The following JCAD variants were observed in gnomAD, a reference collection of about 807,000 sequenced individuals.
The protein encoded by JCAD is junctional cadherin 5 associated.
JCAD carries 40 observed loss-of-function variants against 98.0 expected under a neutral mutation model. The observed-to-expected ratio is 0.41, with a 90% CI of 0.32 to 0.53. The LOEUF (loss-of-function observed/expected upper bound fraction) is 0.53, where lower values mean the gene tolerates loss of function less well. Among genes scored for constraint, JCAD ranks in the 20% least tolerant of loss-of-function variants. The pLI is 0.31. For missense variants in JCAD, 1,705 were observed against 1,738.1 expected, an observed-to-expected ratio of 0.98 and a Z score of 0.34; for synonymous variants, 691 against 682.3, an observed-to-expected ratio of 1.01 and a Z score of -0.20.
Position 30,059,315 on chromosome 10 carries a change from A to C in JCAD, c.-60+167T>G, listed in dbSNP as rs1270909511. Among the ~76,000 whole-genome samples, 21 of 151,112 alleles carry C rather than the reference A, an allele frequency of 1.4e-4. No homozygotes were observed. The highest frequency in any genetic ancestry group is 4.6e-4 in the African/African-American group (19 of 41,370). On this transcript the variant is annotated intron_variant, in intron 1 of 3. Coordinates refer to ENST00000375377, the MANE Select transcript of JCAD (RefSeq NM_020848.4). This position sits in a 1 kb window ranked among gnomAD's most constrained non-coding sequence, Gnocchi z 5.0. The stretch of plus-strand genomic sequence containing the variant: ...CGCGGGGGGCCCAGGCGGGGCTGCG[A>C]CTGGGGGTGCAGACATCCCCCACCG...
intron 1 of JCAD, among the ~76,000 whole-genome samples, chr10:30,078,603 C>A (rs10826759): frequency 6.6e-6 from 1 of 152,096 alleles, no homozygotes; most frequent in Non-Finnish European, 1.5e-5. Flanking sequence ...GATAGCAAGA[C>A]CATGAAATTA....
rs868036440 is a variant in JCAD, at chr10:30,048,439, C to T, written c.-59-568G>A. On this transcript the variant is annotated intron_variant, in intron 1 of 3. Transcript: ENST00000375377. ...AAACAGCAACTGCCAGGGCAGCCACCCCGGGGCAGTTAACTAGCAACCAAA... is the reference window on the plus strand; with the variant it reads ...AAACAGCAACTGCCAGGGCAGCCACTCCGGGGCAGTTAACTAGCAACCAAA... Among the ~76,000 whole-genome samples the T allele has an allele frequency of 7.2e-5, 11 of 152,198 alleles. No individual in the cohort carries two copies. The South Asian group carries it at 1.2e-3, about 17-fold the overall frequency.
intron 1 of JCAD, among the ~76,000 whole-genome samples, chr10:30,100,376 G>T (rs2132707169): frequency 6.6e-6 from 1 of 152,074 alleles, no homozygotes; most frequent in African/African-American, 2.4e-5. Flanking sequence ...TTGTTTGAGG[G>T]TTTTTGTTGT....
chr10:30,028,889 A>C lies in JCAD; in HGVS notation c.1259T>G (p.Phe420Cys). ...ATCATCAAAGGGAATGTACTGAACG[A>C]AGCCGTCATAGGCAGTGACAGGTCG... Reference protein sequence around the residue: ...HPRPVTAYDGFVQYIPFDDPR... With the variant: ...HPRPVTAYDGCVQYIPFDDPR... The change falls in exon 3 of 4, where the codon TTC (phenylalanine) becomes TGC (cysteine). Residue 420 changes from phenylalanine to cysteine, a missense_variant. Phe to Cys is a radical substitution (Grantham distance 205). Around this residue, in one of 3 missense-constraint regions of JCAD, gnomAD observed 1,278 missense variants for 1,243.1 expected, o/e 1.03. Transcript: ENST00000375377. 1 of 1,614,196 alleles carries C rather than the reference A, an allele frequency of 6.2e-7. No homozygotes were observed. Among genetic ancestry groups the C allele is most frequent in the Non-Finnish European group, 8.5e-7 (1 of 1,180,036 alleles).
In JCAD at chr10:30,028,142, A is replaced by G. The variant is rs1589680814; in HGVS notation, c.2006T>C (p.Leu669Pro). 1 of 1,614,176 alleles carries G rather than the reference A, an allele frequency of 6.2e-7. No homozygotes were observed. Among genetic ancestry groups the G allele is most frequent in the South Asian group, 1.1e-5 (1 of 91,086 alleles). Reference sequence around the variant, plus strand: ...ATGCTTGAGTTCTCTGTGCTTTGTAAGGTGGATGAAACTGAGGTCATTTGT... The same window carrying G: ...ATGCTTGAGTTCTCTGTGCTTTGTAGGGTGGATGAAACTGAGGTCATTTGT... ...RQTNDLSFIH[L>P]TKHRELKHSG... The change falls in exon 3 of 4, where the codon CTT (leucine) becomes CCT (proline). Residue 669 changes from leucine (L) to proline (P), a missense_variant. Leu to Pro is a moderately conservative substitution (Grantham distance 98). This residue lies in a region of JCAD where 1,278 missense variants were observed against 1,243.1 expected (regional missense o/e 1.03). Transcript: ENST00000375377.
chr10:30,033,187 T>G (rs1259925898), intron 2 of JCAD, among the ~76,000 whole-genome samples: 2 of 152,332 alleles, frequency 1.3e-5, no homozygotes, highest in South Asian at 4.1e-4. Flanking sequence ...CCTAAAACGC[T>G]CAATTAACCC....
chr10:30,020,868 A>G (rs1836647793), intron 3 of JCAD, among the ~76,000 whole-genome samples: 1 of 152,214 alleles, frequency 6.6e-6, no homozygotes, highest in Admixed American at 6.5e-5. Flanking sequence ...CACTTCGGCT[A>G]GTGGGAGCAC....
At chr10:30,025,934 C>T (rs764657813) in intron 3 of JCAD, 169 bp downstream of exon 3, 1 of 765,770 alleles carries the variant, frequency 1.3e-6, no homozygotes, top group Middle Eastern at 2.4e-4. Context: ...TTAAAGATGG[C>T]TTCTGGATAA....
At chr10:30,076,902 C>G (rs536437559) in intron 1 of JCAD, among the ~76,000 whole-genome samples, 1 of 152,088 alleles carries the variant, frequency 6.6e-6, no homozygotes, top group Non-Finnish European at 1.5e-5. Context: ...CTCAGGCCCA[C>G]GTTTTGCTCA....
At chr10:30,024,956 A>G (rs190687905) in intron 3 of JCAD, among the ~76,000 whole-genome samples, 300 of 152,050 alleles carry the variant, frequency 2.0e-3, no homozygotes, top group Non-Finnish European at 3.2e-3. Context: ...CGGCCTCCCA[A>G]AGTGTTGGGA....
chr10:30,034,643 G>C (rs1837075554), intron 2 of JCAD, among the ~76,000 whole-genome samples: 1 of 152,054 alleles, frequency 6.6e-6, no homozygotes, highest in Non-Finnish European at 1.5e-5. Context: ...AGCTGAGCCA[G>C]GCTTGCAGCT....
At chr10:30,060,606 T>C (rs1837681851), upstream of JCAD, among the ~76,000 whole-genome samples, 1 of 152,240 alleles carries the variant, frequency 6.6e-6, no homozygotes, top group African/African-American at 2.4e-5. Context: ...ACTGGTGACC[T>C]TGCCAAATTA....
chr10:30,043,186 T>C (rs949924158), intron 2 of JCAD, among the ~76,000 whole-genome samples: 1 of 152,198 alleles, frequency 6.6e-6, no homozygotes, highest in African/African-American at 2.4e-5. Context: ...GATCTGCTAA[T>C]AGTGAAAGCT....
chr10:30,081,023 T>C (rs989442815), intron 1 of JCAD, among the ~76,000 whole-genome samples: 51 of 152,330 alleles, frequency 3.3e-4, no homozygotes, highest in African/African-American at 1.2e-3. Context: ...GGTGTACTTA[T>C]ACCAAAATCA....
Position 30,015,918 on chromosome 10 carries a change from T to C in JCAD, c.*1965A>G, listed in dbSNP as rs948686002. 5 of 152,192 alleles carry C rather than the reference T, an allele frequency of 3.3e-5. No individual in the cohort carries two copies. Among genetic ancestry groups the C allele is most frequent in the Admixed American group, 6.5e-5 (1 of 15,284 alleles). 9.4% of individuals were successfully genotyped at this position (152,192 alleles called of 1,614,324 possible). On this transcript the variant is annotated 3_prime_UTR_variant, in exon 4 of 4. Coordinates refer to ENST00000375377, the MANE Select transcript of JCAD (RefSeq NM_020848.4). ...TGGTACTACCAGGTGACTTCAATGATTCACCAGCTACAACAGTGTCTGAAC... is the reference window on the plus strand; with the variant it reads ...TGGTACTACCAGGTGACTTCAATGACTCACCAGCTACAACAGTGTCTGAAC...
At chr10:30,112,564 A>T (rs1048257707) in intron 1 of JCAD, among the ~76,000 whole-genome samples, 2 of 152,196 alleles carry the variant, frequency 1.3e-5, no homozygotes, top group Admixed American at 6.6e-5. Context: ...CACATAATGT[A>T]TGATTTCATT....
chr10:30,057,919 G>C (rs2132655790), intron 1 of JCAD, among the ~76,000 whole-genome samples: 1 of 152,244 alleles, frequency 6.6e-6, no homozygotes, highest in Admixed American at 6.5e-5. Context: ...ACCAACACAA[G>C]TCCAATGAAA....
At chr10:30,114,252 T>C (rs910146460) in intron 1 of JCAD, among the ~76,000 whole-genome samples, 10 of 152,206 alleles carry the variant, frequency 6.6e-5, no homozygotes, top group African/African-American at 2.4e-4. Context: ...AATTATTTGA[T>C]AAATGTGGGT....
rs758849387 is a variant in JCAD at position 30,026,408 on chromosome 10, A to G, written c.3740T>C (p.Leu1247Pro). 6.2e-7 allele frequency: 1 copy of G among 1,614,232 alleles called. No individual in the cohort carries two copies. The highest frequency in any genetic ancestry group is 1.7e-5 in the Admixed American group (1 of 60,034). Reference protein sequence around the residue: ...SKVIESLQEKLASPPRRADPD... With the variant: ...SKVIESLQEKPASPPRRADPD... The stretch of plus-strand genomic sequence containing the variant: ...GTCTGCTCTCCTAGGCGGGGAGGCC[A>G]GTTTCTCTTGTAAACTTTCAATCAC... The change falls in exon 3 of 4, where the codon CTG (leucine) becomes CCG (proline). Residue 1247 changes from leucine (L) to proline (P), a missense_variant. Physicochemically the swap from Leu to Pro is moderately conservative, Grantham distance 98. Transcript: ENST00000375377.
Sources: allele counts gnomAD v4.1 joint callset (sites outside exome capture counted in the v4.1 genomes callset), GRCh38; gene constraint gnomAD v4.1.1; regional missense constraint gnomAD v4.1.1; non-coding constraint Gnocchi (gnomAD v3.1); transcripts MANE v1.5; gene names NCBI Gene and HGNC (gene_info 2026-07-23, HGNC 2026-07-21).